HNF1B: variants seen among roughly 807,000 people sequenced by gnomAD.
HNF1B encodes hepatocyte nuclear factor 1-beta.
A neutral mutation model predicts 61.7 loss-of-function variants in HNF1B; 8 were observed. The ratio of observed to expected loss-of-function variants is 0.13; its 90% confidence interval spans 0.08 to 0.23. HNF1B has a LOEUF of 0.23. Ranked by LOEUF, HNF1B falls within the 10% of genes least tolerant of loss-of-function variation. HNF1B has a pLI of 1.00. For missense variants in HNF1B, 562 were observed against 714.5 expected (o/e 0.79, Z 2.43); for synonymous variants, 314 against 287.7 (o/e 1.09, Z -0.93).
chr17:37,690,323 G>A (rs1167110748), intron 8 of HNF1B, among the ~76,000 whole-genome samples: 5 of 152,154 alleles, frequency 3.3e-5, no homozygotes, highest in Non-Finnish European at 5.9e-5. Context: ...TGAGAACGGC[G>A]ACACTGGCAG....
intron 2 of HNF1B, 88 bp from the exon 3 acceptor site, chr17:37,733,909 A>G: frequency 6.8e-7 from 1 of 1,465,592 alleles, no homozygotes; most frequent in Non-Finnish European, 9.5e-7. Context: ...GGACGAAGAC[A>G]CCTTTATTCC....
At chr17:37,740,636 TA>T (rs536912372) in intron 1 of HNF1B, among the ~76,000 whole-genome samples, 631 of 144,160 alleles carry the variant, frequency 4.4e-3, no homozygotes, top group Admixed American at 4.3e-3. Context: ...GGCAAGTAGT[TA>T]AAAAAAAAAA....
At chr17:37,705,893 C>T (rs1193255167) in intron 5 of HNF1B, among the ~76,000 whole-genome samples, 3 of 152,134 alleles carry the variant, frequency 2.0e-5, no homozygotes, top group Admixed American at 6.5e-5. Flanking sequence ...TATAAGGGCG[C>T]GATCAGTTTT....
At chr17:37,725,038 T>A (rs1036998998) in intron 4 of HNF1B, among the ~76,000 whole-genome samples, 9 of 152,120 alleles carry the variant, frequency 5.9e-5, no homozygotes, top group African/African-American at 2.2e-4. Flanking sequence ...TAAAGCCAGA[T>A]CTTGTTCCAT....
chr17:37,702,548 C>G (rs968966618), intron 6 of HNF1B, among the ~76,000 whole-genome samples: 14 of 152,324 alleles, frequency 9.2e-5, no homozygotes, highest in Middle Eastern at 3.4e-3. Context: ...TTTCCTACCT[C>G]CTGCTTATGG....
chr17:37,713,470 T>C (rs1258093243), intron 4 of HNF1B, among the ~76,000 whole-genome samples: 2 of 152,252 alleles, frequency 1.3e-5, no homozygotes, highest in African/African-American at 4.8e-5. Flanking sequence ...ATTCCAAGGC[T>C]GCTGTGGTTT....
chr17:37,688,459 G>A (rs1045780353), intron 8 of HNF1B, among the ~76,000 whole-genome samples: 2 of 149,660 alleles, frequency 1.3e-5, no homozygotes, highest in Non-Finnish European at 1.5e-5. Flanking sequence ...CACTGTTATC[G>A]CATTGATCAG....
intron 4 of HNF1B, among the ~76,000 whole-genome samples, chr17:37,723,027 C>G (rs547108676): frequency 2.0e-5 from 3 of 152,024 alleles, no homozygotes; most frequent in Non-Finnish European, 4.4e-5. Flanking sequence ...GAGAGGAGTA[C>G]TCACACCTCC....
rs1162124517 is a variant in HNF1B at position 37,739,645 on chromosome 17, C to CAA, written c.345-7_345-6insTT. The CAA allele has an allele frequency of 2.5e-6, 4 of 1,604,760 alleles. No individual in the cohort carries two copies. Among genetic ancestry groups the CAA allele is most frequent in the Non-Finnish European group, 3.4e-6 (4 of 1,174,794 alleles). The stretch of plus-strand genomic sequence containing the variant: ...CAGCCCTCCAAGGGTCCTCACTAGA[C>CAA]AGACAAGCAGATGGTTAGGGTACTA... On this transcript the variant is annotated splice_polypyrimidine_tract_variant and splice_region_variant and intron_variant, in intron 1 of 8. Coordinates refer to ENST00000617811, the MANE Select transcript of HNF1B (RefSeq NM_000458.4).
intron 4 of HNF1B, among the ~76,000 whole-genome samples, chr17:37,723,938 C>A (rs1175761064): frequency 3.9e-5 from 6 of 152,332 alleles, no homozygotes; most frequent in Admixed American, 3.9e-4. Context: ...CAAGGTCACA[C>A]AGCAGTAAGT....
intron 8 of HNF1B, among the ~76,000 whole-genome samples, chr17:37,693,308 C>G (rs1426696866): frequency 2.0e-5 from 3 of 151,226 alleles, no homozygotes; most frequent in African/African-American, 7.3e-5. Flanking sequence ...TGACTATGTA[C>G]TAGGCATTCT....
At position 37,697,638 on chromosome 17, in the gene HNF1B, C is replaced by T. The variant is rs139316137; in HGVS notation, c.1653+1438G>A. 2.7e-3 allele frequency among the ~76,000 whole-genome samples: 408 copies of T among 152,282 alleles called. 1 individual carries two copies. Among genetic ancestry groups the T allele is most frequent in the South Asian group, 0.011 (53 of 4,822 alleles). On this transcript the variant is annotated intron_variant, in intron 8 of 8. Transcript: ENST00000617811. ...GGTATTCCCAAGGAGGGCCGCTGCG[C>T]CTGGCTGCCCCCCTGATTGAGATTT...
intron 5 of HNF1B, among the ~76,000 whole-genome samples, chr17:37,707,067 G>T (rs7221709): frequency 1.6e-3 from 249 of 151,918 alleles, no homozygotes; most frequent in African/African-American, 5.5e-3. Context: ...CTAAGTTTGG[G>T]CAACCTTGAT....
chr17:37,726,370 A>G (rs2033497480), intron 4 of HNF1B, among the ~76,000 whole-genome samples: 1 of 152,220 alleles, frequency 6.6e-6, no homozygotes, highest in Non-Finnish European at 1.5e-5. Flanking sequence ...CCTACTCTGC[A>G]GGGCTGTTGT....
intron 5 of HNF1B, 63 bp from the exon 6 acceptor site, chr17:37,705,112 A>G: frequency 6.6e-7 from 1 of 1,506,656 alleles, no homozygotes; most frequent in Non-Finnish European, 9.1e-7. Context: ...GCAGTTTCCA[A>G]CACGATGTGA....
chr17:37,730,126 T>G (rs1189412349), intron 4 of HNF1B: 1 of 147,766 alleles, frequency 6.8e-6, no homozygotes, highest in East Asian at 1.9e-4. Flanking sequence ...GGTGTGGAGA[T>G]CACAGGTCCC....
chr17:37,718,220 T>G (rs1158246716), intron 4 of HNF1B, among the ~76,000 whole-genome samples: 1 of 152,112 alleles, frequency 6.6e-6, no homozygotes, highest in African/African-American at 2.4e-5. Context: ...ATGGTGCACT[T>G]GAAAAAATTG....
At chr17:37,739,297 A>C (rs2033920663) in intron 2 of HNF1B, 143 bp downstream of exon 2, 6 of 789,570 alleles carry the variant, frequency 7.6e-6, no homozygotes, top group Non-Finnish European at 1.3e-5. Flanking sequence ...AGCAACCACC[A>C]AGGCCAAATC....
At chr17:37,706,432 C>T (rs776955236) in intron 5 of HNF1B, among the ~76,000 whole-genome samples, 13 of 152,044 alleles carry the variant, frequency 8.6e-5, no homozygotes, top group South Asian at 4.2e-4. Context: ...GCTTTTCAGA[C>T]GATAGCTCTC....
Sources: gnomAD v4.1 joint callset for allele counts (sites outside exome capture counted in the v4.1 genomes callset) on GRCh38, gnomAD v4.1.1 for gene constraint, MANE v1.5 for transcripts, NCBI Gene and HGNC (gene_info 2026-07-23, HGNC 2026-07-21) for gene names.